CADM2: variants seen among roughly 807,000 people sequenced by gnomAD.
The protein encoded by CADM2 is immunoglobulin superfamily member 4D.
In CADM2, 12 loss-of-function variants were observed where a neutral mutation model predicts 49.8. The ratio of observed to expected loss-of-function variants is 0.24; its 90% CI spans 0.15 to 0.39. CADM2 has a LOEUF of 0.39. Ranked by LOEUF, CADM2 falls within the 10% of genes least tolerant of loss-of-function variation. The pLI is 1.00. For missense variants in CADM2, 378 were observed against 492.3 expected (o/e 0.77, Z 2.20); for synonymous variants, 214 against 175.4 (o/e 1.22, Z -1.74).
chr3:85,189,484 C>A (rs1368685226), intron 1 of CADM2, among the ~76,000 whole-genome samples: 1 of 151,958 alleles, frequency 6.6e-6, no homozygotes, highest in Non-Finnish European at 1.5e-5. Flanking sequence ...TATTTTTGAA[C>A]CCATAAAGAG....
At chr3:85,978,452 A>G (rs1287866608) in intron 8 of CADM2, among the ~76,000 whole-genome samples, 1 of 151,444 alleles carries the variant, frequency 6.6e-6, no homozygotes, top group Non-Finnish European at 1.5e-5. Flanking sequence ...TAAATCATAA[A>G]CCTTTCAGAA....
At chr3:85,837,367 A>G (rs528436797) in intron 3 of CADM2, among the ~76,000 whole-genome samples, 156 of 151,788 alleles carry the variant, frequency 1.0e-3, no homozygotes, top group Non-Finnish European at 8.3e-4. Flanking sequence ...AAGTGACTAT[A>G]ATATTAAATA....
At chr3:85,813,249 G>C (rs1699166240) in intron 3 of CADM2, among the ~76,000 whole-genome samples, 4 of 152,104 alleles carry the variant, frequency 2.6e-5, no homozygotes, top group African/African-American at 9.7e-5. Context: ...ATTCTAACTG[G>C]TGTGTGATGG....
At chr3:85,296,225 A>G (rs2043960242) in intron 1 of CADM2, among the ~76,000 whole-genome samples, 1 of 152,086 alleles carries the variant, frequency 6.6e-6, no homozygotes, top group Non-Finnish European at 1.5e-5. Context: ...AAGTAAATCT[A>G]TAGTTTGAGT....
intron 1 of CADM2, among the ~76,000 whole-genome samples, chr3:85,139,132 T>C (rs1437191870): frequency 2.0e-5 from 3 of 152,212 alleles, no homozygotes; most frequent in Non-Finnish European, 4.4e-5. Context: ...CGCTAATCTT[T>C]CTGTTCCTAT....
intron 1 of CADM2, among the ~76,000 whole-genome samples, chr3:85,713,274 A>AT (rs926098186): frequency 2.6e-5 from 4 of 151,874 alleles, no homozygotes; most frequent in African/African-American, 7.3e-5. Flanking sequence ...ATTTTTTTGT[A>AT]TTTTTTAGTA....
intron 7 of CADM2, among the ~76,000 whole-genome samples, chr3:85,945,978 G>A (rs1437880744): frequency 1.3e-5 from 2 of 152,050 alleles, no homozygotes; most frequent in Non-Finnish European, 2.9e-5. Flanking sequence ...AGGAAAAGAG[G>A]AAGTCAAATT....
At chr3:86,063,635 T>C (rs538490581) in intron 8 of CADM2, among the ~76,000 whole-genome samples, 13 of 151,186 alleles carry the variant, frequency 8.6e-5, no homozygotes, top group Admixed American at 2.0e-4. Context: ...TAGACGTTGT[T>C]TGAAGTTTCA....
chr3:85,886,055 A>G lies in CADM2; in HGVS notation c.392-135A>G, dbSNP rs570994190. On this transcript the variant is annotated intron_variant, in intron 4 of 9. Transcript: ENST00000383699. ...ACACACATATGAAGCAGTTTATTAC[A>G]TAGTAGTTTGTTCATCTTGATCGAA... 32 of 1,304,836 alleles carry G rather than the reference A, an allele frequency of 2.5e-5. No homozygotes were observed. The South Asian group carries it at 2.9e-4, about 12-fold the overall frequency. 80.8% of individuals were successfully genotyped at this position (1,304,836 alleles called of 1,614,324 possible).
At chr3:85,031,664 G>A (rs930183446) in intron 1 of CADM2, among the ~76,000 whole-genome samples, 31 of 152,070 alleles carry the variant, frequency 2.0e-4, no homozygotes, top group Admixed American at 6.6e-4. Flanking sequence ...ACAGGCACAC[G>A]CCACCACGCC....
Position 85,232,103 on chromosome 3 carries a change from CT to C in CADM2, c.61+272442del, listed in dbSNP as rs376274027. ...TTCTCAGTTCTATGCTCCTTGGCCCCTTTTTTTGTGTTATTTTGTTCGATTT... is the reference window on the plus strand; with the variant it reads ...TTCTCAGTTCTATGCTCCTTGGCCCCTTTTTTGTGTTATTTTGTTCGATTT... On this transcript the variant is annotated intron_variant, in intron 1 of 9. Coordinates refer to ENST00000383699, the MANE Select transcript of CADM2 (RefSeq NM_001167675.2). 2.1e-3 allele frequency among the ~76,000 whole-genome samples: 320 copies of C among 149,992 alleles called. 2 individuals carry two copies. The highest frequency in any genetic ancestry group is 6.9e-3 in the Middle Eastern group (2 of 290).
intron 1 of CADM2, among the ~76,000 whole-genome samples, chr3:85,577,401 A>G (rs1360687789): frequency 6.6e-6 from 1 of 152,108 alleles, no homozygotes; most frequent in Non-Finnish European, 1.5e-5. Context: ...TATAAAAGCA[A>G]GTTAGGCCCT....
At chr3:85,868,198 G>T (rs1171089985) in intron 3 of CADM2, among the ~76,000 whole-genome samples, 1 of 151,854 alleles carries the variant, frequency 6.6e-6, no homozygotes, top group South Asian at 2.1e-4. Flanking sequence ...TTATAGAATA[G>T]ATACCATATT....
intron 7 of CADM2, among the ~76,000 whole-genome samples, chr3:85,956,400 G>A (rs1453977392): frequency 6.6e-6 from 1 of 151,546 alleles, no homozygotes; most frequent in East Asian, 2.0e-4. Context: ...TATTTTTATG[G>A]TGATATTAAG....
chr3:85,908,371 C>A (rs979998201), intron 5 of CADM2, among the ~76,000 whole-genome samples: 7 of 147,848 alleles, frequency 4.7e-5, no homozygotes, highest in Non-Finnish European at 1.0e-4. Flanking sequence ...TTAGTTCTTG[C>A]TAAGACAAAA....
At chr3:85,380,075 T>C (rs2033815600) in intron 1 of CADM2, among the ~76,000 whole-genome samples, 1 of 152,060 alleles carries the variant, frequency 6.6e-6, no homozygotes, top group Non-Finnish European at 1.5e-5. Flanking sequence ...TTGAAATTTC[T>C]TCCCCGTACT....
chr3:85,593,471 T>C (rs929504662), intron 1 of CADM2, among the ~76,000 whole-genome samples: 3 of 152,028 alleles, frequency 2.0e-5, no homozygotes, highest in Admixed American at 1.3e-4. Context: ...AAAATGTATA[T>C]CTGTGTTCTT....
At chr3:85,335,307 G>T (rs2045048969) in intron 1 of CADM2, among the ~76,000 whole-genome samples, 1 of 151,314 alleles carries the variant, frequency 6.6e-6, no homozygotes, top group Admixed American at 6.6e-5. Context: ...TTATATCGGG[G>T]TAGCATTTTG....
intron 3 of CADM2, among the ~76,000 whole-genome samples, chr3:85,846,287 G>A (rs2074876196): frequency 6.6e-6 from 1 of 152,128 alleles, no homozygotes. Flanking sequence ...ATTTAGAAAA[G>A]CTAACTTTCA....
Sources: gnomAD v4.1 joint callset for allele counts (sites outside exome capture counted in the v4.1 genomes callset) on GRCh38, gnomAD v4.1.1 for gene constraint, MANE v1.5 for transcripts, NCBI Gene and HGNC (gene_info 2026-07-23, HGNC 2026-07-21) for gene names.